Variants in BMERB1 observed in about 807,000 individuals in gnomAD.
BMERB1 encodes bMERB domain-containing protein 1.
BMERB1 carries 12 observed loss-of-function variants against 23.6 expected under a neutral mutation model. That is an observed-to-expected ratio of 0.51 (90% CI 0.33 to 0.82). BMERB1 has a LOEUF of 0.82. BMERB1 is among the 40% of genes least tolerant of loss of function. The pLI is 0.03. For synonymous variants in BMERB1, 122 were observed against 96.6 expected (o/e 1.26, Z -1.54); for missense variants, 247 against 255.4 (o/e 0.97, Z 0.22).
At chr16:15,483,026 G>A (rs562784855) in intron 1 of BMERB1, among the ~76,000 whole-genome samples, 6 of 152,202 alleles carry the variant, frequency 3.9e-5, no homozygotes, top group Non-Finnish European at 7.4e-5. Flanking sequence ...ATCCTGATGC[G>A]TGTTTTTCTA....
chr16:15,501,563 C>T (rs1011964249), intron 1 of BMERB1, among the ~76,000 whole-genome samples: 1 of 152,178 alleles, frequency 6.6e-6, no homozygotes, highest in Non-Finnish European at 1.5e-5. Flanking sequence ...CAACCTCCGC[C>T]TCCCCAGTTC....
At chr16:15,559,087 T>C (rs940449156) in intron 2 of BMERB1, among the ~76,000 whole-genome samples, 1 of 152,140 alleles carries the variant, frequency 6.6e-6, no homozygotes, top group Non-Finnish European at 1.5e-5. Flanking sequence ...CTGGCTTCCT[T>C]ATATATGTCA....
rs561520017 is a variant in BMERB1 at position 15,468,700 on chromosome 16, A to G, written c.106+33941A>G. Reference sequence around the variant, plus strand: ...AAGGTTTTTAATTTTGATGAGGTCTAATTTATCAATTTTCCCTTTTATAGA... The same window carrying G: ...AAGGTTTTTAATTTTGATGAGGTCTGATTTATCAATTTTCCCTTTTATAGA... On this transcript the variant is annotated intron_variant, in intron 1 of 5. Transcript: ENST00000300006. 1.2e-4 allele frequency among the ~76,000 whole-genome samples: 18 copies of G among 152,202 alleles called. No homozygotes were observed. The East Asian group carries it at 2.9e-3, about 25-fold the overall frequency.
rs946451244 is a variant in BMERB1, at chr16:15,537,830, T to A, written c.230+22402T>A. On this transcript the variant is annotated intron_variant, in intron 2 of 5. Transcript: ENST00000300006. Reference sequence around the variant, plus strand: ...ATGCCACCATGCCTGGCCAATTTTTTAATTTTTTTGTAGAGATGGGGTCTT... The same window carrying A: ...ATGCCACCATGCCTGGCCAATTTTTAAATTTTTTTGTAGAGATGGGGTCTT... Among the ~76,000 whole-genome samples the A allele has an allele frequency of 3.3e-5, 5 of 152,146 alleles. 1 individual carries two copies. Among genetic ancestry groups the A allele is most frequent in the South Asian group, 4.2e-4 (2 of 4,818 alleles).
intron 5 of BMERB1, 42 bp downstream of exon 5, chr16:15,583,280 A>G (rs765091397): frequency 6.7e-7 from 1 of 1,491,552 alleles, no homozygotes; most frequent in Admixed American, 1.7e-5. Flanking sequence ...CACAAAAGAG[A>G]AAAGTATATT....
At chr16:15,539,290 G>A (rs1013432032) in intron 2 of BMERB1, among the ~76,000 whole-genome samples, 2 of 152,082 alleles carry the variant, frequency 1.3e-5, no homozygotes, top group Non-Finnish European at 2.9e-5. Flanking sequence ...ATCTAATGCA[G>A]CCGCTGATCT....
At chr16:15,476,465 C>T (rs1316412951) in intron 1 of BMERB1, among the ~76,000 whole-genome samples, 1 of 152,204 alleles carries the variant, frequency 6.6e-6, no homozygotes, top group Admixed American at 6.5e-5. Flanking sequence ...GCCCAGCCCA[C>T]ATCTCATTCA....
intron 2 of BMERB1, among the ~76,000 whole-genome samples, chr16:15,547,401 G>A (rs933011311): frequency 2.6e-5 from 4 of 151,064 alleles, no homozygotes; most frequent in African/African-American, 9.7e-5. Context: ...GAGTGCAATG[G>A]CAGGATCTCG....
chr16:15,459,509 C>CA (rs1289621175), intron 1 of BMERB1, among the ~76,000 whole-genome samples: 2 of 151,914 alleles, frequency 1.3e-5, no homozygotes, highest in Non-Finnish European at 2.9e-5. Flanking sequence ...AAATTTAAGA[C>CA]AAAAAATGTT....
chr16:15,476,542 G>A (rs939013956), intron 1 of BMERB1, among the ~76,000 whole-genome samples: 4 of 152,226 alleles, frequency 2.6e-5, no homozygotes, highest in Non-Finnish European at 5.9e-5. Flanking sequence ...ACCAGTGTAG[G>A]TGGAAAATGC....
At chr16:15,461,238 A>C (rs2051132196) in intron 1 of BMERB1, among the ~76,000 whole-genome samples, 1 of 151,964 alleles carries the variant, frequency 6.6e-6, no homozygotes, top group Non-Finnish European at 1.5e-5. Context: ...CTGTGGGAGG[A>C]GCAAAATCAC....
At chr16:15,434,902 G>A in intron 1 of BMERB1, 143 bp downstream of exon 1, 1 of 666,688 alleles carries the variant, frequency 1.5e-6, no homozygotes, top group East Asian at 2.8e-5. Context: ...AGGGGGATAC[G>A]CAGCTCTGCG....
intron 3 of BMERB1, among the ~76,000 whole-genome samples, chr16:15,573,114 A>G (rs1349904373): frequency 6.6e-6 from 1 of 152,166 alleles, no homozygotes; most frequent in Non-Finnish European, 1.5e-5. Flanking sequence ...CTTTCCTGGC[A>G]CAGTAAGACC....
At chr16:15,514,869 A>T (rs1362255953) in intron 1 of BMERB1, among the ~76,000 whole-genome samples, 1 of 152,158 alleles carries the variant, frequency 6.6e-6, no homozygotes, top group Non-Finnish European at 1.5e-5. Flanking sequence ...TCACAAGGTC[A>T]GGAGATCGAG....
At chr16:15,495,855 C>T in intron 1 of BMERB1, among the ~76,000 whole-genome samples, 1 of 152,100 alleles carries the variant, frequency 6.6e-6, no homozygotes, top group Admixed American at 6.6e-5. Context: ...GAAGTTGGGG[C>T]AAAGAATTCC....
intron 2 of BMERB1, among the ~76,000 whole-genome samples, chr16:15,538,134 G>T (rs1403818826): frequency 6.6e-6 from 1 of 152,112 alleles, no homozygotes; most frequent in Non-Finnish European, 1.5e-5. Flanking sequence ...CGTGGAGTTT[G>T]GTGAGCTATA....
At chr16:15,502,481 T>C in intron 1 of BMERB1, 1 of 951,948 alleles carries the variant, frequency 1.1e-6, no homozygotes, top group Non-Finnish European at 1.7e-6. Context: ...TTCATCTCTT[T>C]GGGAAACGGT....
chr16:15,581,164 A>C lies in BMERB1; in HGVS notation c.305-53A>C, dbSNP rs2031004286. 3 of 1,382,224 alleles carry C rather than the reference A, an allele frequency of 2.2e-6. No individual in the cohort carries two copies. In the South Asian group the frequency reaches 3.8e-5, roughly 18 times the overall value. The allele number at this position is 1,382,224 out of a possible 1,614,324, so 85.6% of individuals were successfully genotyped here. On this transcript the variant is annotated intron_variant, in intron 3 of 5. Transcript: ENST00000300006. ...ACTCCTGACCTCAAGTGATCCGCCC[A>C]CCTCAGCCTCCCAAAATGCTCATCT...
At chr16:15,535,539 G>T (rs2052016551) in intron 2 of BMERB1, among the ~76,000 whole-genome samples, 1 of 151,530 alleles carries the variant, frequency 6.6e-6, no homozygotes, top group Admixed American at 6.6e-5. Flanking sequence ...AGACCCAGCT[G>T]CTCAGGAGGC....
Sources: allele counts gnomAD v4.1 joint callset (sites outside exome capture counted in the v4.1 genomes callset), GRCh38; gene constraint gnomAD v4.1.1; transcripts MANE v1.5; gene names NCBI Gene and HGNC (gene_info 2026-07-23, HGNC 2026-07-21).